The following TTC21A variants were observed in gnomAD, a reference collection of about 807,000 sequenced individuals.
TTC21A encodes tetratricopeptide repeat domain 21A, also known as tetratricopeptide repeat protein 21A.
TTC21A carries 128 observed loss-of-function variants against 156.4 expected under a neutral mutation model. That is an observed-to-expected ratio of 0.82 (90% CI 0.71 to 0.95). TTC21A has a LOEUF of 0.95. TTC21A is among the 40% of genes least tolerant of loss of function. TTC21A has a pLI of 0.00. For missense variants in TTC21A, 1,435 were observed against 1,602.3 expected, an observed-to-expected ratio of 0.90 and a Z score of 1.78; for synonymous variants, 587 against 617.1, an observed-to-expected ratio of 0.95 and a Z score of 0.72.
At position 39,131,063 on chromosome 3, in the gene TTC21A, A is replaced by G. The variant is rs1176168675; in HGVS notation, c.2530A>G (p.Lys844Glu). ...GCTGGCAAAGGTTTACAAGAGCCAT[A>G]AAAAAGAAGCTGTGATAGAAACTTT... ...LLLAKVYKSH[K>E]KEAVIETLNK... Residue 844 changes from lysine (K) to glutamate (E), a missense_variant, in exon 19 of 29, where the codon AAA (lysine) becomes GAA (glutamate). By Grantham distance (56) the Lys-to-Glu change is moderately conservative. Coordinates refer to ENST00000683103, the MANE Select transcript of TTC21A (RefSeq NM_001366900.1). 8.7e-6 allele frequency: 14 copies of G among 1,612,144 alleles called. No homozygotes were observed. Among genetic ancestry groups the G allele is most frequent in the Admixed American group, 8.3e-5 (5 of 59,988 alleles).
intron 6 of TTC21A, among the ~76,000 whole-genome samples, chr3:39,117,183 A>T (rs994318840): frequency 6.6e-5 from 10 of 152,260 alleles, no homozygotes; most frequent in African/African-American, 2.4e-4. Context: ...TATCTGTTTG[A>T]TTCTTCTTTG....
In TTC21A at chr3:39,136,515, G is replaced by A; in HGVS notation, c.3095+8G>A. ...CAGAGGTATCTACTGCTGGTGAGTT[G>A]GGTGTGGTGTGTTGAGGGGCAGCTG... On this transcript the variant is annotated splice_region_variant and intron_variant, in intron 23 of 28. Transcript: ENST00000683103. The A allele has an allele frequency of 6.2e-7, 1 of 1,613,680 alleles. No homozygotes were observed. Among genetic ancestry groups the A allele is most frequent in the Non-Finnish European group, 8.5e-7 (1 of 1,179,712 alleles).
rs768172849 is a variant in TTC21A, at chr3:39,119,905, CTGTTT to C, written c.802-13_802-9del. On this transcript the variant is annotated splice_polypyrimidine_tract_variant and intron_variant, in intron 7 of 28. Transcript: ENST00000683103. Reference sequence around the variant, plus strand: ...CTTGCACCTTGCATGTTGACATTCTCTGTTTTGTCCCTGCAGGCTACCAATCACGT... The same window carrying C: ...CTTGCACCTTGCATGTTGACATTCTCTGTCCCTGCAGGCTACCAATCACGT... 1 of 1,560,058 alleles carries C rather than the reference CTGTTT, an allele frequency of 6.4e-7. No homozygotes were observed. Among genetic ancestry groups the C allele is most frequent in the African/African-American group, 1.4e-5 (1 of 71,382 alleles).
chr3:39,121,019 T>A lies in TTC21A; in HGVS notation c.923T>A (p.Leu308Gln). The change falls in exon 9 of 29, where the codon CTA (leucine) becomes CAA (glutamine). Residue 308 changes from leucine to glutamine, a missense_variant. Coordinates refer to ENST00000683103, the MANE Select transcript of TTC21A (RefSeq NM_001366900.1). Reference sequence around the variant, plus strand: ...CAGTGTGGGAGTCACCAGGTGATTCTAGGGCTAGTGTGTAGTTTCATCGAG... The same window carrying A: ...CAGTGTGGGAGTCACCAGGTGATTCAAGGGCTAGTGTGTAGTTTCATCGAG... Reference protein sequence around the residue: ...SRLCGSHQVILGLVCSFIERT... With the variant: ...SRLCGSHQVIQGLVCSFIERT... 1 of 1,610,826 alleles carries A rather than the reference T, an allele frequency of 6.2e-7. No homozygotes were observed. The highest frequency in any genetic ancestry group is 1.1e-5 in the South Asian group (1 of 90,702).
chr3:39,121,782 G>A (rs1256222874), intron 9 of TTC21A, among the ~76,000 whole-genome samples: 1 of 152,184 alleles, frequency 6.6e-6, no homozygotes, highest in Non-Finnish European at 1.5e-5. Flanking sequence ...GGTTTGGGTT[G>A]AGGAAGTTGT....
chr3:39,116,496 G>A lies in TTC21A; in HGVS notation c.717-1573G>A, dbSNP rs371728260. On this transcript the variant is annotated intron_variant, in intron 6 of 28. Coordinates refer to ENST00000683103, the MANE Select transcript of TTC21A (RefSeq NM_001366900.1). ...TTTCTGCCCCCCCCTTTTTTTGGGGGGGAATGTCTTGCTTTGTTGCCTAGG... is the reference window on the plus strand; with the variant it reads ...TTTCTGCCCCCCCCTTTTTTTGGGGAGGAATGTCTTGCTTTGTTGCCTAGG... Among the ~76,000 whole-genome samples, 746 of 151,566 alleles carry A rather than the reference G, an allele frequency of 4.9e-3. 6 individuals carry two copies. Among genetic ancestry groups the A allele is most frequent in the African/African-American group, 0.016 (662 of 41,192 alleles).
Position 39,138,317 on chromosome 3 carries a change from G to A in TTC21A, c.3726G>A (p.Gln1242=). ...TGGGCTTCATCATGGAGAAGGAGCAGTCCTACAAGGATGCAGTCACCAACT... is the reference window on the plus strand; with the variant it reads ...TGGGCTTCATCATGGAGAAGGAGCAATCCTACAAGGATGCAGTCACCAACT... ...EYMGFIMEKE[Q]SYKDAVTNYK... Residue 1242 remains glutamine (Q), a synonymous_variant, in exon 27 of 29, where the codon CAG becomes CAA. Transcript: ENST00000683103. The A allele has an allele frequency of 6.2e-7, 1 of 1,614,194 alleles. No homozygotes were observed. The highest frequency in any genetic ancestry group is 8.5e-7 in the Non-Finnish European group (1 of 1,180,030).
Position 39,120,985 on chromosome 3 carries a change from T to C in TTC21A, c.901-12T>C, listed in dbSNP as rs746938126. ...ACTGGTTTCCCAATTCCCACCTTCC[T>C]GTTTCTTGCAGTGTGGGAGTCACCA... On this transcript the variant is annotated splice_polypyrimidine_tract_variant and intron_variant, in intron 8 of 28. Coordinates refer to ENST00000683103, the MANE Select transcript of TTC21A (RefSeq NM_001366900.1). 1.9e-6 allele frequency: 3 copies of C among 1,585,556 alleles called. No individual in the cohort carries two copies. The highest frequency in any genetic ancestry group is 2.6e-6 in the Non-Finnish European group (3 of 1,163,282).
At position 39,114,627 on chromosome 3, in the gene TTC21A, G is replaced by A. The variant is rs765318878; in HGVS notation, c.601G>A (p.Glu201Lys). 16 of 1,614,216 alleles carry A rather than the reference G, an allele frequency of 9.9e-6. No homozygotes were observed. The highest frequency in any genetic ancestry group is 1.3e-5 in the Non-Finnish European group (15 of 1,180,028). The change falls in exon 6 of 29, where the codon GAG becomes AAG. Residue 201 changes from glutamate to lysine, a missense_variant. Transcript: ENST00000683103. ...GCAGCAGAACTACTCAGAGGCCCTG[G>A]AGGTGGTGAACCAGATCACTGTGAC... is the stretch of plus-strand genomic sequence containing the variant. Reference protein sequence around the residue: ...MMQQNYSEALEVVNQITVTSG... With the variant: ...MMQQNYSEALKVVNQITVTSG...
chr3:39,119,132 T>C (rs1026508411), intron 7 of TTC21A: 7 of 152,366 alleles, frequency 4.6e-5, no homozygotes, highest in African/African-American at 1.7e-4. Context: ...GCCCCTTTTT[T>C]ACTCCCACTT....
At chr3:39,125,192 A>G (rs1179409530) in intron 10 of TTC21A, 32 bp downstream of exon 10, 1 of 1,569,762 alleles carries the variant, frequency 6.4e-7, no homozygotes. Context: ...GGGTTGCTCC[A>G]GGATGATGTC....
Position 39,110,924 on chromosome 3 carries a change from C to T in TTC21A, c.342C>T (p.Tyr114=). The change falls in exon 4 of 29, where the codon TAC becomes TAT. Residue 114 remains tyrosine, a synonymous_variant. Coordinates refer to ENST00000683103, the MANE Select transcript of TTC21A (RefSeq NM_001366900.1). Reference sequence around the variant, plus strand: ...AGACAGTCAGTGGGACTGCACTGTACTATGCTGGCCTTTTCCTCTGGCTCA... The same window carrying T: ...AGACAGTCAGTGGGACTGCACTGTATTATGCTGGCCTTTTCCTCTGGCTCA... ...IRKTVSGTAL[Y]YAGLFLWLIG... The T allele has an allele frequency of 6.2e-7, 1 of 1,614,080 alleles. No individual in the cohort carries two copies. The highest frequency in any genetic ancestry group is 1.7e-5 in the Admixed American group (1 of 60,024).
Position 39,130,741 on chromosome 3 carries a change from A to C in TTC21A, c.2360A>C (p.Gln787Pro). 1 of 1,614,254 alleles carries C rather than the reference A, an allele frequency of 6.2e-7. No individual in the cohort carries two copies. Among genetic ancestry groups the C allele is most frequent in the Non-Finnish European group, 8.5e-7 (1 of 1,180,048 alleles). The change falls in exon 18 of 29, where the codon CAG becomes CCG. Residue 787 changes from glutamine to proline, a missense_variant. By Grantham distance (76) the Gln-to-Pro change is moderately conservative (BLOSUM62 -1). Transcript: ENST00000683103. This position sits in a 1 kb window ranked among gnomAD's most constrained non-coding sequence, Gnocchi z 4.5. ...GAGGCTGCCCAGAAGATTAATGGAC[A>C]GGACTTTCTGTGCTGCGATCTGGGC... ...YYEAAQKING[Q>P]DFLCCDLGKL...
chr3:39,129,024 G>A (rs1289509060), intron 14 of TTC21A, 48 bp from the exon 15 acceptor site: 2 of 1,609,030 alleles, frequency 1.2e-6, no homozygotes, highest in Admixed American at 3.3e-5. Flanking sequence ...TCCACCCACT[G>A]TTTACTTGTG....
chr3:39,136,618 C>G, intron 23 of TTC21A, 111 bp downstream of exon 23: 1 of 1,364,762 alleles, frequency 7.3e-7, no homozygotes, highest in Non-Finnish European at 1.0e-6. Context: ...CTCCAGGACA[C>G]CCGGACCCAG....
At chr3:39,123,105 G>A (rs1417124190) in intron 9 of TTC21A, among the ~76,000 whole-genome samples, 2 of 152,180 alleles carry the variant, frequency 1.3e-5, no homozygotes, top group South Asian at 2.1e-4. Context: ...AACACCTTCA[G>A]TGTTTGGAGA....
At chr3:39,114,785 A>G in intron 6 of TTC21A, 43 bp downstream of exon 6, 4 of 1,605,316 alleles carry the variant, frequency 2.5e-6, no homozygotes, top group Non-Finnish European at 3.4e-6. Context: ...GGTAACAGGT[A>G]TTTACCATCT....
chr3:39,117,303 T>C (rs562526356), intron 6 of TTC21A, among the ~76,000 whole-genome samples: 34 of 152,372 alleles, frequency 2.2e-4, no homozygotes, highest in African/African-American at 7.7e-4. Flanking sequence ...TCAATGCTGA[T>C]TGTGTCTAAT....
chr3:39,124,983 T>C lies in TTC21A; in HGVS notation c.1094-80T>C, dbSNP rs143024025. ...ACTGAGACATCTTCCTTCCACTGTCTTATCCATGCCCCTTGACCTGATGGG... is the reference window on the plus strand; with the variant it reads ...ACTGAGACATCTTCCTTCCACTGTCCTATCCATGCCCCTTGACCTGATGGG... On this transcript the variant is annotated intron_variant, in intron 9 of 28. Transcript: ENST00000683103. 9.2e-4 allele frequency: 833 copies of C among 905,106 alleles called. 6 individuals carry two copies. The African/African-American group carries it at 0.012, about 13-fold the overall frequency. 56.1% of individuals were successfully genotyped at this position (905,106 alleles called of 1,614,324 possible).
Sources: allele counts gnomAD v4.1 joint callset (sites outside exome capture counted in the v4.1 genomes callset), GRCh38; gene constraint gnomAD v4.1.1; non-coding constraint Gnocchi (gnomAD v3.1); transcripts MANE v1.5; gene names NCBI Gene and HGNC (gene_info 2026-07-23, HGNC 2026-07-21).